The following MECOM variants were observed in gnomAD, a reference collection of about 807,000 sequenced individuals.
The protein encoded by MECOM is MDS1 and EVI1 complex locus, also known as histone-lysine N-methyltransferase MECOM.
A neutral mutation model predicts 116.3 loss-of-function variants in MECOM; 13 were observed. The observed-to-expected ratio is 0.11, with a 90% CI of 0.07 to 0.18. The LOEUF (loss-of-function observed/expected upper bound fraction) is 0.18. Ranked by LOEUF, MECOM falls within the 10% of genes least tolerant of loss-of-function variation. The pLI is 1.00. For synonymous variants in MECOM, 528 were observed against 535.2 expected, an observed-to-expected ratio of 0.99 and a Z score of 0.19; for missense variants, 1,299 against 1,509.0, an observed-to-expected ratio of 0.86 and a Z score of 2.31.
At chr3:169,455,514 T>G (rs557646722) in intron 1 of MECOM, among the ~76,000 whole-genome samples, 1 of 152,192 alleles carries the variant, frequency 6.6e-6, no homozygotes, top group African/African-American at 2.4e-5. Context: ...TACTCTCTGA[T>G]TGATGGGTTA....
At chr3:169,230,265 G>T (rs527701855) in intron 2 of MECOM, among the ~76,000 whole-genome samples, 8 of 152,032 alleles carry the variant, frequency 5.3e-5, no homozygotes, top group African/African-American at 1.9e-4. Flanking sequence ...AAAGGTTCTG[G>T]ATTGCAAGTT....
At chr3:169,455,466 T>C (rs539354937) in intron 1 of MECOM, among the ~76,000 whole-genome samples, 2 of 152,328 alleles carry the variant, frequency 1.3e-5, no homozygotes, top group South Asian at 4.1e-4. Flanking sequence ...AAGTGGTTCC[T>C]ATTAAAGGGA....
intron 2 of MECOM, among the ~76,000 whole-genome samples, chr3:169,221,879 G>T (rs188944403): frequency 2.0e-5 from 3 of 152,068 alleles, no homozygotes; most frequent in African/African-American, 7.2e-5. Context: ...CTTCAGCTCT[G>T]TCACCAGGTA....
intron 2 of MECOM, among the ~76,000 whole-genome samples, chr3:169,296,352 C>G (rs1039215907): frequency 1.3e-5 from 2 of 152,190 alleles, no homozygotes; most frequent in African/African-American, 2.4e-5. Context: ...AGAGCAAGAA[C>G]GCCAAAGAAA....
At chr3:169,352,457 T>C (rs1726485769) in intron 2 of MECOM, among the ~76,000 whole-genome samples, 1 of 151,910 alleles carries the variant, frequency 6.6e-6, no homozygotes, top group South Asian at 2.1e-4. Context: ...ATGTGGTAGT[T>C]TAACTGTGGA....
intron 1 of MECOM, among the ~76,000 whole-genome samples, chr3:169,480,192 T>A (rs1751074391): frequency 6.6e-6 from 1 of 152,232 alleles, no homozygotes; most frequent in South Asian, 2.1e-4. Context: ...AGCAAGCTAG[T>A]GCTGTCTTCT....
At chr3:169,302,379 T>C (rs1445885725) in intron 2 of MECOM, among the ~76,000 whole-genome samples, 1 of 152,222 alleles carries the variant, frequency 6.6e-6, no homozygotes, top group East Asian at 1.9e-4. Context: ...GCAGAGTTTG[T>C]TTCCCATGGC....
At position 169,115,934 on chromosome 3, in the gene MECOM, T is replaced by G; in HGVS notation, c.1938A>C (p.Pro646=). The G allele has an allele frequency of 6.2e-7, 1 of 1,614,106 alleles. No individual in the cohort carries two copies. Among genetic ancestry groups the G allele is most frequent in the South Asian group, 1.1e-5 (1 of 91,086 alleles). The part of the protein sequence containing the change: ...KEYSNHSIFS[P]SLEEQTAVSG... ...ACACCGCAGTCTGCTCCTCTAAAGA[T>G]GGTGAGAAAATGGAATGATTGCTGT... The change falls in exon 8 of 17, where the codon CCA becomes CCC. Residue 646 remains proline, a synonymous_variant. Transcript: ENST00000651503.
chr3:169,534,023 C>T (rs1759007541), intron 1 of MECOM, among the ~76,000 whole-genome samples: 1 of 152,174 alleles, frequency 6.6e-6, no homozygotes, highest in Admixed American at 6.5e-5. Context: ...GGTTTCCCTG[C>T]CAATGCAAAT....
At chr3:169,127,319 T>C (rs987801973) in intron 5 of MECOM, among the ~76,000 whole-genome samples, 6 of 152,078 alleles carry the variant, frequency 3.9e-5, no homozygotes, top group African/African-American at 1.4e-4. Flanking sequence ...TCTTTTTCCT[T>C]TTAGGAAATT....
At chr3:169,222,943 T>A (rs1560012411) in intron 2 of MECOM, among the ~76,000 whole-genome samples, 1 of 152,126 alleles carries the variant, frequency 6.6e-6, no homozygotes, top group African/African-American at 2.4e-5. Flanking sequence ...TAGATTTTTT[T>A]CACATTTTCT....
At chr3:169,297,632 T>TA (rs1258221278) in intron 2 of MECOM, among the ~76,000 whole-genome samples, 2 of 151,184 alleles carry the variant, frequency 1.3e-5, no homozygotes, top group African/African-American at 4.9e-5. Context: ...TGGTAATTAT[T>TA]AAAAAAATAT....
At chr3:169,478,672 C>T (rs1468255378) in intron 1 of MECOM, among the ~76,000 whole-genome samples, 7 of 152,120 alleles carry the variant, frequency 4.6e-5, no homozygotes, top group Admixed American at 2.0e-4. Context: ...GTGTATTGTG[C>T]TAGGATATTT....
chr3:169,238,174 CA>C lies in MECOM; in HGVS notation c.376-94343del, dbSNP rs869078937. The stretch of plus-strand genomic sequence containing the variant: ...TGGGTGATGGAGCTAGACTCCATCT[CA>C]AAAAAAAAAAAAAAAGAAAAAAGAA... On this transcript the variant is annotated intron_variant, in intron 2 of 16. Coordinates refer to ENST00000651503, the MANE Select transcript of MECOM (RefSeq NM_004991.4). Among the ~76,000 whole-genome samples, 181 of 72,078 alleles carry C rather than the reference CA, an allele frequency of 2.5e-3. 1 individual carries two copies. Among genetic ancestry groups the C allele is most frequent in the South Asian group, 3.5e-3 (7 of 2,000 alleles). 47.3% of individuals were successfully genotyped at this position (72,078 alleles called of 152,430 possible). A position where few individuals can be genotyped will look rare whatever the true frequency, so the allele number is the denominator to read the frequency against.
At chr3:169,441,586 G>A (rs1037215864) in intron 1 of MECOM, among the ~76,000 whole-genome samples, 9 of 151,946 alleles carry the variant, frequency 5.9e-5, no homozygotes, top group African/African-American at 1.9e-4. Flanking sequence ...TAACACCATG[G>A]TATTACGTGC....
intron 1 of MECOM, among the ~76,000 whole-genome samples, chr3:169,560,870 T>C (rs1762559242): frequency 1.3e-5 from 2 of 152,042 alleles, no homozygotes; most frequent in African/African-American, 2.4e-5. Flanking sequence ...TGACTTTTTT[T>C]TCTATATTTT....
chr3:169,517,034 A>G (rs184901156), intron 1 of MECOM, among the ~76,000 whole-genome samples: 1 of 152,368 alleles, frequency 6.6e-6, no homozygotes, highest in Admixed American at 6.5e-5. Context: ...AGTTGAAAGT[A>G]ATCTATTGTC....
rs368615042 is a variant in MECOM at position 169,508,225 on chromosome 3, C to G, written c.38-126701G>C. On this transcript the variant is annotated intron_variant, in intron 1 of 16. Transcript: ENST00000651503. The stretch of plus-strand genomic sequence containing the variant: ...ATGGCAGAACCTGGAGAAGAAAATC[C>G]CACAATTATTTTGTTGAGTATTCTC... 2.0e-5 allele frequency among the ~76,000 whole-genome samples: 3 copies of G among 151,942 alleles called. No homozygotes were observed. In the East Asian group the frequency reaches 5.8e-4, roughly 29 times the overall value.
chr3:169,357,606 C>A (rs1727485647), intron 2 of MECOM, among the ~76,000 whole-genome samples: 1 of 151,796 alleles, frequency 6.6e-6, no homozygotes, highest in South Asian at 2.1e-4. Context: ...CCTGCAAGGA[C>A]TAATTACAGG....
Sources: gnomAD v4.1 joint callset for allele counts (sites outside exome capture counted in the v4.1 genomes callset) on GRCh38, gnomAD v4.1.1 for gene constraint, MANE v1.5 for transcripts, NCBI Gene and HGNC (gene_info 2026-07-23, HGNC 2026-07-21) for gene names.